Variants in MAP3K5 observed in about 807,000 individuals in gnomAD.
MAP3K5 encodes ASK-1.
Under a neutral mutation model 158.7 loss-of-function variants are expected in MAP3K5, and 56 were observed. That is an observed-to-expected ratio of 0.35 (90% CI 0.28 to 0.44). The LOEUF (loss-of-function observed/expected upper bound fraction) is 0.44, where lower values mean the gene tolerates loss of function less well. MAP3K5 is among the 20% of genes least tolerant of loss of function. The pLI, the probability that MAP3K5 is intolerant of heterozygous loss-of-function variation, is 1.00. For missense variants in MAP3K5, 1,294 were observed against 1,674.8 expected, an observed-to-expected ratio of 0.77 and a Z score of 3.97; for synonymous variants, 579 against 601.7, an observed-to-expected ratio of 0.96 and a Z score of 0.55.
intron 1 of MAP3K5, among the ~76,000 whole-genome samples, chr6:136,749,711 T>C (rs1263937094): frequency 6.6e-6 from 1 of 152,054 alleles, no homozygotes. Context: ...GAATGTGAAC[T>C]TTCAGGCAGG....
At chr6:136,596,828 G>C (rs1412283693) in intron 21 of MAP3K5, among the ~76,000 whole-genome samples, 1 of 152,238 alleles carries the variant, frequency 6.6e-6, no homozygotes, top group Non-Finnish European at 1.5e-5. Context: ...AAGTGAGAAT[G>C]CGTAGTGCCT....
At chr6:136,769,023 T>A (rs1435204665) in intron 1 of MAP3K5, among the ~76,000 whole-genome samples, 1 of 152,184 alleles carries the variant, frequency 6.6e-6, no homozygotes, top group Non-Finnish European at 1.5e-5. Flanking sequence ...TTAAGCAAGC[T>A]GAAATCATGT....
In MAP3K5 at chr6:136,613,341, T is replaced by C; in HGVS notation, c.2279-85A>G. 2 of 1,240,408 alleles carry C rather than the reference T, an allele frequency of 1.6e-6. No homozygotes were observed. The highest frequency in any genetic ancestry group is 1.5e-5 in the African/African-American group (1 of 66,056). The allele number at this position is 1,240,408 out of a possible 1,614,324, so 76.8% of individuals were successfully genotyped here. A position where few individuals can be genotyped will look rare whatever the true frequency, so the allele number is the denominator to read the frequency against. On this transcript the variant is annotated intron_variant, in intron 16 of 29. Coordinates refer to ENST00000359015, the MANE Select transcript of MAP3K5 (RefSeq NM_005923.4). This position sits in a 1 kb window ranked among gnomAD's most constrained non-coding sequence, Gnocchi z 4.0. ...TTAATAATGTAACAGTAATTTAAGC[T>C]AACAGTCATTGGTTCTTCACAGTGG... is the stretch of plus-strand genomic sequence containing the variant.
chr6:136,691,732 T>G (rs1052406667), intron 7 of MAP3K5, among the ~76,000 whole-genome samples: 2 of 152,250 alleles, frequency 1.3e-5, no homozygotes, highest in African/African-American at 4.8e-5. Context: ...TTTTGAAGTT[T>G]ATTGCTCTTT....
At chr6:136,620,416 G>C (rs1479380504) in intron 15 of MAP3K5, among the ~76,000 whole-genome samples, 1 of 152,068 alleles carries the variant, frequency 6.6e-6, no homozygotes, top group Non-Finnish European at 1.5e-5. Context: ...GTACCCCCTG[G>C]TTCTAAAATA....
rs1022018046 is a variant in MAP3K5 at position 136,576,668 on chromosome 6, C to T, written c.3517+3633G>A. Among the ~76,000 whole-genome samples, 4 of 152,174 alleles carry T rather than the reference C, an allele frequency of 2.6e-5. No homozygotes were observed. The East Asian group carries it at 7.7e-4, about 29-fold the overall frequency. Reference sequence around the variant, plus strand: ...GAATCAACCACTTCTCCAAGGAAACCCAATTCCTTTTATTGAAGAATGGCA... The same window carrying T: ...GAATCAACCACTTCTCCAAGGAAACTCAATTCCTTTTATTGAAGAATGGCA... On this transcript the variant is annotated intron_variant, in intron 25 of 29. Transcript: ENST00000359015.
chr6:136,776,813 A>G (rs1291169795), intron 1 of MAP3K5, among the ~76,000 whole-genome samples: 1 of 152,222 alleles, frequency 6.6e-6, no homozygotes, highest in Non-Finnish European at 1.5e-5. Flanking sequence ...GTGACTGCAA[A>G]GATTTCTTAA....
intron 8 of MAP3K5, among the ~76,000 whole-genome samples, chr6:136,666,945 T>C (rs1779253637): frequency 6.6e-6 from 1 of 152,238 alleles, no homozygotes; most frequent in East Asian, 1.9e-4. Context: ...GTTTAACATG[T>C]ATTACAAGTG....
At chr6:136,648,963 ATTTAT>A (rs1045161708) in intron 11 of MAP3K5, among the ~76,000 whole-genome samples, 2 of 152,140 alleles carry the variant, frequency 1.3e-5, no homozygotes, top group African/African-American at 4.8e-5. Context: ...GGAATCTGCA[ATTTAT>A]TTTATTTTAT....
chr6:136,708,220 C>T (rs902156919), intron 2 of MAP3K5, among the ~76,000 whole-genome samples: 1 of 152,022 alleles, frequency 6.6e-6, no homozygotes, highest in Non-Finnish European at 1.5e-5. Context: ...TAAAGTTTTA[C>T]ACAGACTAAT....
chr6:136,617,157 A>C (rs1445291816), intron 15 of MAP3K5, among the ~76,000 whole-genome samples: 1 of 152,206 alleles, frequency 6.6e-6, no homozygotes. Context: ...CAAAATTTGC[A>C]ATAATAGTCA....
chr6:136,577,894 T>C (rs1044595117), intron 25 of MAP3K5, among the ~76,000 whole-genome samples: 2 of 152,262 alleles, frequency 1.3e-5, no homozygotes, highest in African/African-American at 4.8e-5. Context: ...GTTCGTTTTC[T>C]ATTCTGGATA....
At chr6:136,753,591 T>C (rs1783321735) in intron 1 of MAP3K5, among the ~76,000 whole-genome samples, 1 of 152,224 alleles carries the variant, frequency 6.6e-6, no homozygotes, top group East Asian at 1.9e-4. Context: ...TGATGGACTC[T>C]AAATTACCTG....
At chr6:136,578,793 T>G (rs1026472034) in intron 25 of MAP3K5, among the ~76,000 whole-genome samples, 2 of 152,116 alleles carry the variant, frequency 1.3e-5, no homozygotes, top group African/African-American at 2.4e-5. Context: ...AAGTGTTCTA[T>G]GAGAAGAGAG....
At chr6:136,599,603 T>C (rs1775789596) in intron 21 of MAP3K5, among the ~76,000 whole-genome samples, 1 of 152,130 alleles carries the variant, frequency 6.6e-6, no homozygotes, top group Admixed American at 6.5e-5. Flanking sequence ...AACCAAGCCA[T>C]GTGGAAGGGA....
chr6:136,670,298 C>T (rs1163779488), intron 7 of MAP3K5, among the ~76,000 whole-genome samples: 2 of 151,794 alleles, frequency 1.3e-5, no homozygotes, highest in Non-Finnish European at 2.9e-5. Context: ...ATTAAACGGG[C>T]AACGATATTC....
chr6:136,710,537 C>G (rs796811523), intron 2 of MAP3K5, among the ~76,000 whole-genome samples: 32 of 150,006 alleles, frequency 2.1e-4, no homozygotes, highest in African/African-American at 7.9e-4. Context: ...CAAAGACTAA[C>G]TTTTGATAGC....
intron 23 of MAP3K5, among the ~76,000 whole-genome samples, chr6:136,589,480 G>A (rs1044561855): frequency 5.3e-5 from 8 of 152,162 alleles, no homozygotes; most frequent in African/African-American, 1.9e-4. Context: ...TGCATATTTG[G>A]GAAGGGGATT....
intron 1 of MAP3K5, among the ~76,000 whole-genome samples, chr6:136,744,592 C>CT (rs1398217789): frequency 6.6e-6 from 1 of 152,160 alleles, no homozygotes; most frequent in East Asian, 1.9e-4. Context: ...GAAAGTAGAA[C>CT]TTCCAACCCC....
Sources: allele counts gnomAD v4.1 joint callset (sites outside exome capture counted in the v4.1 genomes callset), GRCh38; gene constraint gnomAD v4.1.1; non-coding constraint Gnocchi (gnomAD v3.1); transcripts MANE v1.5; gene names NCBI Gene and HGNC (gene_info 2026-07-23, HGNC 2026-07-21).